The following RAP1GAP2 variants were observed in gnomAD, a reference collection of about 807,000 sequenced individuals.
The protein encoded by RAP1GAP2 is rap1 GTPase-activating protein 2.
A neutral mutation model predicts 95.0 loss-of-function variants in RAP1GAP2; 27 were observed. That is an observed-to-expected ratio of 0.28 (90% CI 0.21 to 0.39). The LOEUF is 0.39. RAP1GAP2 is among the 10% of genes least tolerant of loss of function. The pLI is 1.00. For synonymous variants in RAP1GAP2, 373 were observed against 380.9 expected, an observed-to-expected ratio of 0.98 and a Z score of 0.24; for missense variants, 771 against 970.0, an observed-to-expected ratio of 0.79 and a Z score of 2.72.
intron 22 of RAP1GAP2, among the ~76,000 whole-genome samples, chr17:3,028,924 C>T (rs950846171): frequency 3.3e-5 from 5 of 152,152 alleles, no homozygotes; most frequent in African/African-American, 1.2e-4. Context: ...CCTCAGCCTT[C>T]CAAGTAGCTG....
chr17:2,961,996 G>C (rs140486522), intron 4 of RAP1GAP2, among the ~76,000 whole-genome samples: 1 of 151,278 alleles, frequency 6.6e-6, no homozygotes, highest in South Asian at 2.1e-4. Flanking sequence ...TCTGCCTCCC[G>C]GGTTCAAGCA....
intron 2 of RAP1GAP2, among the ~76,000 whole-genome samples, chr17:2,819,690 A>T (rs2070196595): frequency 6.9e-6 from 1 of 145,858 alleles, no homozygotes; most frequent in South Asian, 2.2e-4. Flanking sequence ...CTGGTCTTGA[A>T]CTCCTGACCT....
chr17:3,019,079 A>C (rs1274197235), intron 18 of RAP1GAP2, among the ~76,000 whole-genome samples: 1 of 151,964 alleles, frequency 6.6e-6, no homozygotes, highest in African/African-American at 2.4e-5. Flanking sequence ...ACAAAACAAA[A>C]CACAAAATCA....
intron 2 of RAP1GAP2, among the ~76,000 whole-genome samples, chr17:2,853,420 G>C (rs1434059958): frequency 1.3e-5 from 2 of 151,998 alleles, no homozygotes; most frequent in Non-Finnish European, 2.9e-5. Context: ...GGAAGTATCC[G>C]GGGCCGGGCC....
intron 2 of RAP1GAP2, among the ~76,000 whole-genome samples, chr17:2,820,655 C>G (rs1054997751): frequency 6.6e-6 from 1 of 151,276 alleles, no homozygotes; most frequent in African/African-American, 2.4e-5. Context: ...AGTATTTTCA[C>G]TGCTCCCAAT....
Position 2,963,170 on chromosome 17 carries a change from T to A in RAP1GAP2, c.247-260T>A. The A allele has an allele frequency of 1.8e-6, 1 of 567,442 alleles. No individual in the cohort carries two copies. Among genetic ancestry groups the A allele is most frequent in the Non-Finnish European group, 3.1e-6 (1 of 319,390 alleles). The allele number at this position is 567,442 out of a possible 1,614,324, so 35.2% of individuals were successfully genotyped here. A position where few individuals can be genotyped will look rare whatever the true frequency, so the allele number is the denominator to read the frequency against. On this transcript the variant is annotated intron_variant, in intron 5 of 24. Coordinates refer to ENST00000254695, the MANE Select transcript of RAP1GAP2 (RefSeq NM_015085.5). The surrounding 1 kb of genome is among the most constrained non-coding windows in gnomAD (Gnocchi z 4.8). ...GAATGAGCGTTCTAGGATGAGAAGC[T>A]GGTATCACGAGGGGTGAGAAGTTCA...
At chr17:2,901,535 CAT>C (rs1207049086) in intron 2 of RAP1GAP2, among the ~76,000 whole-genome samples, 2 of 152,178 alleles carry the variant, frequency 1.3e-5, no homozygotes, top group South Asian at 2.1e-4. Context: ...AGTGCCATGA[CAT>C]GTGGCAAGAT....
At chr17:2,872,881 CTCA>C (rs1567728808) in intron 2 of RAP1GAP2, among the ~76,000 whole-genome samples, 1 of 151,918 alleles carries the variant, frequency 6.6e-6, no homozygotes, top group African/African-American at 2.4e-5. Context: ...CAGGCCTGGT[CTCA>C]AACTCTTGGG....
chr17:2,903,210 G>A lies in RAP1GAP2; in HGVS notation c.81-2074G>A, dbSNP rs1453423165. 6.6e-6 allele frequency among the ~76,000 whole-genome samples: 1 copy of A among 152,154 alleles called. No individual in the cohort carries two copies. The highest frequency in any genetic ancestry group is 1.5e-5 in the Non-Finnish European group (1 of 68,024). On this transcript the variant is annotated intron_variant, in intron 2 of 24. Coordinates refer to ENST00000254695, the MANE Select transcript of RAP1GAP2 (RefSeq NM_015085.5). The surrounding 1 kb of genome is among the most constrained non-coding windows in gnomAD (Gnocchi z 4.1). ...GTCATTCTCACCATGGGCCCGAAGA[G>A]GACCTGAGGGTGATGCCCTCCTGCT...
chr17:2,969,179 C>CTATCTATCTATCTA lies in RAP1GAP2; in HGVS notation c.596+3539_596+3540insCTATCTATCTATAT, dbSNP rs1555581850. ...TATTTTTCTTTATCTATCTATCTATCTATATATATATATATCTGTTTCTGT... is the reference window on the plus strand; with the variant it reads ...TATTTTTCTTTATCTATCTATCTATCTATCTATCTATCTATATATATATATATATCTGTTTCTGT... On this transcript the variant is annotated intron_variant, in intron 8 of 24. Transcript: ENST00000254695. Among the ~76,000 whole-genome samples the CTATCTATCTATCTA allele has an allele frequency of 8.3e-4, 119 of 143,220 alleles. 2 individuals carry two copies. In the Middle Eastern group the frequency reaches 0.01, roughly 13 times the overall value. The allele number at this position is 143,220 out of a possible 152,430, so 94.0% of individuals were successfully genotyped here.
intron 2 of RAP1GAP2, among the ~76,000 whole-genome samples, chr17:2,816,101 A>G (rs998582690): frequency 5.3e-5 from 8 of 152,158 alleles, no homozygotes; most frequent in Admixed American, 2.0e-4. Flanking sequence ...CCTTGTTTCC[A>G]TAGCAACCAT....
At chr17:2,998,882 C>T (rs1244232501) in intron 14 of RAP1GAP2, among the ~76,000 whole-genome samples, 13 of 151,792 alleles carry the variant, frequency 8.6e-5, no homozygotes, top group Admixed American at 3.3e-4. Flanking sequence ...AAAGAAAGAG[C>T]GTGGAAAGGA....
intron 1 of RAP1GAP2, among the ~76,000 whole-genome samples, chr17:2,781,261 G>A (rs2068639180): frequency 6.6e-6 from 1 of 152,234 alleles, no homozygotes; most frequent in Non-Finnish European, 1.5e-5. Context: ...CAAGCAGATG[G>A]CAGCAGGCAT....
At chr17:2,858,926 C>A (rs72817399) in intron 2 of RAP1GAP2, among the ~76,000 whole-genome samples, 24,321 of 151,434 alleles carry the variant, frequency 0.16, 2,127 homozygotes, top group East Asian at 0.24. Flanking sequence ...CTTAAAAAAA[C>A]CCCCGTAACA....
chr17:2,950,605 ATTTT>A (rs3035074), intron 3 of RAP1GAP2, among the ~76,000 whole-genome samples: 11 of 78,034 alleles, frequency 1.4e-4, no homozygotes, highest in Non-Finnish European at 1.6e-4. Context: ...ATTTGCTTCA[ATTTT>A]TTTTTTTTTT....
At chr17:2,944,046 G>A (rs1164039569) in intron 3 of RAP1GAP2, among the ~76,000 whole-genome samples, 1 of 152,044 alleles carries the variant, frequency 6.6e-6, no homozygotes, top group African/African-American at 2.4e-5. Flanking sequence ...CTACTCAGGA[G>A]GCTGAGGCAG....
intron 3 of RAP1GAP2, among the ~76,000 whole-genome samples, chr17:2,947,667 G>T (rs1413423395): frequency 6.6e-6 from 1 of 152,070 alleles, no homozygotes; most frequent in Admixed American, 6.5e-5. Flanking sequence ...CTGGTGGCCG[G>T]CTGGTTCTCA....
intron 1 of RAP1GAP2, chr17:2,755,859 T>C: frequency 3.1e-6 from 1 of 324,700 alleles, no homozygotes; most frequent in Non-Finnish European, 5.6e-6. Flanking sequence ...GGCCCAAAGT[T>C]TCGTCCCGGG....
At chr17:2,846,930 T>C (rs1422603258) in intron 2 of RAP1GAP2, among the ~76,000 whole-genome samples, 2 of 152,086 alleles carry the variant, frequency 1.3e-5, no homozygotes, top group Non-Finnish European at 2.9e-5. Flanking sequence ...TAGCTCACAA[T>C]AGTAGTTGAT....
Sources: allele counts gnomAD v4.1 joint callset (sites outside exome capture counted in the v4.1 genomes callset), GRCh38; gene constraint gnomAD v4.1.1; non-coding constraint Gnocchi (gnomAD v3.1); transcripts MANE v1.5; gene names NCBI Gene and HGNC (gene_info 2026-07-23, HGNC 2026-07-21).